TMC7: variants seen among roughly 807,000 people sequenced by gnomAD.
TMC7 encodes transmembrane channel like 7, also known as transmembrane channel-like protein 7.
TMC7 carries 54 observed loss-of-function variants against 82.9 expected under a neutral mutation model. The ratio of observed to expected loss-of-function variants is 0.65; its 90% CI spans 0.52 to 0.82. The LOEUF (loss-of-function observed/expected upper bound fraction) is 0.82. Among genes scored for constraint, TMC7 ranks in the 40% least tolerant of loss-of-function variants. The probability of loss-of-function intolerance (pLI) is 0.00; values close to 1 mark genes in which losing one functional copy is unlikely to be tolerated. For missense variants in TMC7, 820 were observed against 901.2 expected (o/e 0.91, Z 1.15); for synonymous variants, 350 against 337.9 (o/e 1.04, Z -0.39).
At chr16:19,020,105 G>A (rs959936681) in intron 3 of TMC7, among the ~76,000 whole-genome samples, 2 of 152,112 alleles carry the variant, frequency 1.3e-5, no homozygotes. Context: ...AAAAAAATAT[G>A]ATCATCCCAA....
chr16:19,025,646 CAAA>C (rs199666379), intron 5 of TMC7, among the ~76,000 whole-genome samples: 1 of 151,652 alleles, frequency 6.6e-6, no homozygotes, highest in Middle Eastern at 3.2e-3. Context: ...AAACAAAAAA[CAAA>C]AAAACAAATA....
intron 1 of TMC7, 125 bp from the exon 2 acceptor site, chr16:19,009,047 G>A: frequency 9.3e-7 from 1 of 1,071,208 alleles, no homozygotes; most frequent in Non-Finnish European, 1.4e-6. Context: ...AGATCAAAAT[G>A]CTGTCGTCAC....
Position 19,016,592 on chromosome 16 carries a change from A to T in TMC7, c.454A>T (p.Ile152Leu), listed in dbSNP as rs780153828. ...LELWREDIRSIEGKFGTGIQS... is the reference protein window; with the variant it reads ...LELWREDIRSLEGKFGTGIQS... The stretch of plus-strand genomic sequence containing the variant: ...GCTGTGGCGGGAGGACATCCGCAGC[A>T]TAGAAGGTATGCTGTCCTCACCTCT... Residue 152 changes from isoleucine to leucine, a missense_variant, in exon 3 of 16, where the codon ATA becomes TTA. By Grantham distance (5) the Ile-to-Leu change is conservative (BLOSUM62 2). Around this residue, in one of 2 missense-constraint regions of TMC7, gnomAD observed 650 missense variants for 669.9 expected, o/e 0.97. Coordinates refer to ENST00000304381, the MANE Select transcript of TMC7 (RefSeq NM_024847.4). 2 of 1,613,426 alleles carry T rather than the reference A, an allele frequency of 1.2e-6. No individual in the cohort carries two copies. Among genetic ancestry groups the T allele is most frequent in the Non-Finnish European group, 1.7e-6 (2 of 1,179,964 alleles).
At chr16:18,989,071 A>T (rs1382102689) in intron 1 of TMC7, among the ~76,000 whole-genome samples, 1 of 151,370 alleles carries the variant, frequency 6.6e-6, no homozygotes, top group African/African-American at 2.4e-5. Flanking sequence ...AAAAAAAAGG[A>T]ATTTACATAG....
rs368353946 is a variant in TMC7 at position 19,045,027 on chromosome 16, GCTGGGTGGGTCCTT to G, written c.1455+31_1455+44del. ...GTGAGTTGCGGGGCGGGGGCGTTCGGCTGGGTGGGTCCTTCTGGAATACAGTGTCATGGTCAAGA... is the reference window on the plus strand; with the variant it reads ...GTGAGTTGCGGGGCGGGGGCGTTCGGCTGGAATACAGTGTCATGGTCAAGA... On this transcript the variant is annotated intron_variant, in intron 10 of 15. Transcript: ENST00000304381. 561 of 1,556,782 alleles carry G rather than the reference GCTGGGTGGGTCCTT, an allele frequency of 3.6e-4. 2 individuals are homozygous for G. In the African/African-American group the frequency reaches 6.7e-3, roughly 19 times the overall value.
chr16:19,024,013 T>G (rs961806590), intron 5 of TMC7, among the ~76,000 whole-genome samples: 1 of 152,192 alleles, frequency 6.6e-6, no homozygotes, highest in African/African-American at 2.4e-5. Context: ...CGTATGAAGA[T>G]TCTCTGAAAT....
At chr16:19,047,272 G>T (rs1273331857) in intron 12 of TMC7, 23 bp downstream of exon 12, 1 of 1,608,074 alleles carries the variant, frequency 6.2e-7, no homozygotes, top group East Asian at 2.2e-5. Context: ...TGGGAATGGG[G>T]GCTCATATAC....
chr16:19,003,100 G>A (rs11644664), intron 1 of TMC7, among the ~76,000 whole-genome samples: 70,358 of 151,556 alleles, frequency 0.46, 18,863 homozygotes, highest in East Asian at 0.76. Context: ...GGAGGCTAAG[G>A]CGGGAGGATC....
chr16:19,004,859 G>C (rs2039208320), intron 1 of TMC7, among the ~76,000 whole-genome samples: 1 of 150,782 alleles, frequency 6.6e-6, no homozygotes, highest in Non-Finnish European at 1.5e-5. Flanking sequence ...TAATTCTTTT[G>C]TTTGTCTTTT....
At chr16:19,021,592 A>G in intron 3 of TMC7, 37 bp from the exon 4 acceptor site, 1 of 1,610,354 alleles carries the variant, frequency 6.2e-7, no homozygotes, top group South Asian at 1.1e-5. Flanking sequence ...GTGTATCAAT[A>G]TCCCTGGTCA....
At chr16:19,015,066 C>T (rs1596744528) in intron 2 of TMC7, among the ~76,000 whole-genome samples, 1 of 151,646 alleles carries the variant, frequency 6.6e-6, no homozygotes. Context: ...CGGGTTCAAG[C>T]GATTCTCCTG....
At chr16:19,047,861 G>A (rs1180448275) in intron 12 of TMC7, among the ~76,000 whole-genome samples, 1 of 144,706 alleles carries the variant, frequency 6.9e-6, no homozygotes, top group East Asian at 2.1e-4. Flanking sequence ...TTACAGGTGC[G>A]CTGTGATTTT....
intron 2 of TMC7, among the ~76,000 whole-genome samples, chr16:19,009,736 T>A (rs964345059): frequency 1.3e-5 from 2 of 151,960 alleles, no homozygotes; most frequent in Admixed American, 6.5e-5. Flanking sequence ...GGTCAGGAGT[T>A]CGAGACCAGC....
At chr16:19,061,117 C>T (rs1008896907) in intron 15 of TMC7, among the ~76,000 whole-genome samples, 1 of 151,980 alleles carries the variant, frequency 6.6e-6, no homozygotes, top group Non-Finnish European at 1.5e-5. Flanking sequence ...AATTCTCCTG[C>T]CTCAGCATCC....
rs543385878 is a variant in TMC7 at position 19,021,215 on chromosome 16, C to T, written c.461-414C>T. Among the ~76,000 whole-genome samples the T allele has an allele frequency of 1.2e-4, 18 of 152,276 alleles. 1 individual carries two copies. In the South Asian group the frequency reaches 3.1e-3, roughly 26 times the overall value. ...ATACCATGTGACAAGTCTTACAAAT[C>T]TGCAGTAATTAAGACAGTCTAGCAT... is the stretch of plus-strand genomic sequence containing the variant. On this transcript the variant is annotated intron_variant, in intron 3 of 15. Coordinates refer to ENST00000304381, the MANE Select transcript of TMC7 (RefSeq NM_024847.4).
At chr16:18,997,615 C>T (rs2142137238) in intron 1 of TMC7, among the ~76,000 whole-genome samples, 1 of 152,232 alleles carries the variant, frequency 6.6e-6, no homozygotes, top group South Asian at 2.1e-4. Context: ...GGTGATCCAG[C>T]CACCTCTGGC....
chr16:19,045,994 C>T (rs1961259013), intron 11 of TMC7, among the ~76,000 whole-genome samples: 1 of 152,140 alleles, frequency 6.6e-6, no homozygotes, highest in Admixed American at 6.6e-5. Flanking sequence ...TTCCAAAGTG[C>T]TGGGATTACA....
rs200031691 is a variant in TMC7 at position 19,043,386 on chromosome 16, T to TA, written c.1338-1491dup. Among the ~76,000 whole-genome samples the TA allele has an allele frequency of 2.3e-3, 350 of 152,198 alleles. 2 individuals carry two copies. The highest frequency in any genetic ancestry group is 7.8e-3 in the African/African-American group (323 of 41,532). ...AGGAGGTCCCAGCTTTCTGATCTTT[T>TA]AAAAAAATTGTAGTAACATATATGT... On this transcript the variant is annotated intron_variant, in intron 9 of 15. Transcript: ENST00000304381.
At chr16:19,013,575 T>G (rs942282740) in intron 2 of TMC7, among the ~76,000 whole-genome samples, 1 of 152,016 alleles carries the variant, frequency 6.6e-6, no homozygotes, top group Non-Finnish European at 1.5e-5. Flanking sequence ...TGGAATGCAG[T>G]GGTGCCATCT....
Sources: allele counts gnomAD v4.1 joint callset (sites outside exome capture counted in the v4.1 genomes callset), GRCh38; gene constraint gnomAD v4.1.1; regional missense constraint gnomAD v4.1.1; transcripts MANE v1.5; gene names NCBI Gene and HGNC (gene_info 2026-07-23, HGNC 2026-07-21).